The following PAK5 variants were observed in gnomAD, a reference collection of about 807,000 sequenced individuals.
The protein encoded by PAK5 is p21 (RAC1) activated kinase 5.
PAK5 carries 16 observed loss-of-function variants against 65.9 expected under a neutral mutation model. The observed-to-expected ratio is 0.24, with a 90% CI of 0.16 to 0.37. The LOEUF (loss-of-function observed/expected upper bound fraction) is 0.37, where lower values mean the gene tolerates loss of function less well. Among genes scored for constraint, PAK5 ranks in the 10% least tolerant of loss-of-function variants. The pLI is 1.00. For missense variants in PAK5, 785 were observed against 903.9 expected (o/e 0.87, Z 1.69); for synonymous variants, 371 against 354.9 (o/e 1.05, Z -0.51).
chr20:9,790,977 G>A (rs767660775), intron 1 of PAK5, among the ~76,000 whole-genome samples: 8 of 152,008 alleles, frequency 5.3e-5, no homozygotes, highest in Non-Finnish European at 7.4e-5. Context: ...TACATTCCTT[G>A]GCTTCCATGA....
chr20:9,744,569 T>G (rs562751057), intron 1 of PAK5, among the ~76,000 whole-genome samples: 1 of 152,274 alleles, frequency 6.6e-6, no homozygotes, highest in South Asian at 2.1e-4. Context: ...ACATCAGCAA[T>G]TATTGACTAA....
At position 9,566,313 on chromosome 20, in the gene PAK5, A is replaced by C. The variant is rs1186795562; in HGVS notation, c.1062T>G (p.Pro354=). 1 of 1,613,724 alleles carries C rather than the reference A, an allele frequency of 6.2e-7. No homozygotes were observed. Among genetic ancestry groups the C allele is most frequent in the South Asian group, 1.1e-5 (1 of 91,070 alleles). ...LSGSDTYPRG[P]AKLPQSQSKS... ...TGCTTTGACTTTGAGGTAGTTTGGC[A>C]GGGCCCCTGGGGTAGGTGTCAGACC... The change falls in exon 5 of 10, where the codon CCT becomes CCG. Residue 354 remains proline, a synonymous_variant. Coordinates refer to ENST00000353224, the MANE Select transcript of PAK5 (RefSeq NM_177990.4).
chr20:9,597,918 C>T (rs2046298974), intron 3 of PAK5, among the ~76,000 whole-genome samples: 1 of 152,182 alleles, frequency 6.6e-6, no homozygotes, highest in South Asian at 2.1e-4. Flanking sequence ...GGCCAAACTG[C>T]CAACTTGCTG....
chr20:9,813,140 T>C (rs2049317335), intron 1 of PAK5, among the ~76,000 whole-genome samples: 1 of 152,152 alleles, frequency 6.6e-6, no homozygotes, highest in Non-Finnish European at 1.5e-5. Context: ...GAGTACCTTA[T>C]GTATGATTTC....
At chr20:9,676,997 AAT>A (rs1000292250) in intron 2 of PAK5, among the ~76,000 whole-genome samples, 2 of 151,922 alleles carry the variant, frequency 1.3e-5, no homozygotes, top group Non-Finnish European at 2.9e-5. Flanking sequence ...GAGGAAAATA[AAT>A]ATGTTTTCCT....
At chr20:9,651,189 C>T (rs191144256) in intron 2 of PAK5, among the ~76,000 whole-genome samples, 16 of 152,244 alleles carry the variant, frequency 1.1e-4, no homozygotes. Flanking sequence ...CTCCTTTTGC[C>T]TCAGTATCCT....
intron 7 of PAK5, among the ~76,000 whole-genome samples, chr20:9,550,140 G>A (rs999212844): frequency 1.3e-5 from 2 of 152,170 alleles, no homozygotes; most frequent in African/African-American, 4.8e-5. Flanking sequence ...GTCTTCCATG[G>A]CCTGTGTGGG....
At chr20:9,590,334 T>A (rs574910545) in intron 3 of PAK5, among the ~76,000 whole-genome samples, 6 of 152,272 alleles carry the variant, frequency 3.9e-5, no homozygotes, top group Middle Eastern at 3.4e-3. Flanking sequence ...ATTTTACTTG[T>A]ATTGAGCAGA....
intron 1 of PAK5, among the ~76,000 whole-genome samples, chr20:9,750,687 A>C (rs2048565679): frequency 6.6e-6 from 1 of 152,086 alleles, no homozygotes; most frequent in Non-Finnish European, 1.5e-5. Flanking sequence ...GAAGGACCAA[A>C]AGAAGCTACA....
At chr20:9,821,179 G>A (rs2049416246) in intron 1 of PAK5, among the ~76,000 whole-genome samples, 1 of 152,026 alleles carries the variant, frequency 6.6e-6, no homozygotes, top group Non-Finnish European at 1.5e-5. Flanking sequence ...TCAGGAGTTC[G>A]AGACCAGCCT....
chr20:9,761,807 C>G (rs1034840878), intron 1 of PAK5, among the ~76,000 whole-genome samples: 3 of 148,766 alleles, frequency 2.0e-5, no homozygotes, highest in South Asian at 4.3e-4. Context: ...TAAATACACA[C>G]AAGAATTTTT....
intron 3 of PAK5, among the ~76,000 whole-genome samples, chr20:9,627,678 G>A (rs2046864668): frequency 2.0e-5 from 3 of 151,876 alleles, no homozygotes; most frequent in Non-Finnish European, 4.4e-5. Flanking sequence ...TCAGGCTGGA[G>A]TGCAGTGGCA....
At chr20:9,743,515 TC>T (rs374488239) in intron 1 of PAK5, among the ~76,000 whole-genome samples, 14 of 152,170 alleles carry the variant, frequency 9.2e-5, no homozygotes, top group African/African-American at 3.4e-4. Flanking sequence ...GTAATGCCTG[TC>T]AGTGACTCCT....
At chr20:9,567,742 C>T (rs1473585775) in intron 4 of PAK5, among the ~76,000 whole-genome samples, 19 of 151,974 alleles carry the variant, frequency 1.3e-4, no homozygotes, top group Admixed American at 1.2e-3. Flanking sequence ...GGTTTATGCT[C>T]CAGAGAAGGA....
chr20:9,683,930 A>G (rs1055354126), intron 2 of PAK5, among the ~76,000 whole-genome samples: 3 of 152,164 alleles, frequency 2.0e-5, no homozygotes, highest in African/African-American at 7.2e-5. Context: ...AATGGTCCAG[A>G]AAATTCCCCT....
intron 1 of PAK5, among the ~76,000 whole-genome samples, chr20:9,784,915 G>A (rs2048977081): frequency 1.3e-5 from 2 of 152,094 alleles, no homozygotes; most frequent in African/African-American, 4.8e-5. Flanking sequence ...TGGATAAAGT[G>A]TGTATCAAAT....
At chr20:9,753,362 T>C (rs1266157447) in intron 1 of PAK5, among the ~76,000 whole-genome samples, 2 of 152,198 alleles carry the variant, frequency 1.3e-5, no homozygotes, top group African/African-American at 2.4e-5. Context: ...AAAAAGGCCA[T>C]GCTACTCGAG....
chr20:9,704,898 C>A (rs115111108), intron 2 of PAK5, among the ~76,000 whole-genome samples: 260 of 152,210 alleles, frequency 1.7e-3, no homozygotes, highest in Non-Finnish European at 2.1e-3. Flanking sequence ...AGAGAGAGAT[C>A]GTCAGAGAGA....
At chr20:9,738,200 T>C (rs2048412065) in intron 1 of PAK5, among the ~76,000 whole-genome samples, 1 of 152,038 alleles carries the variant, frequency 6.6e-6, no homozygotes, top group East Asian at 1.9e-4. Flanking sequence ...ACTGGAACTC[T>C]TACACATTCT....
Sources: gnomAD v4.1 joint callset for allele counts (sites outside exome capture counted in the v4.1 genomes callset) on GRCh38, gnomAD v4.1.1 for gene constraint, MANE v1.5 for transcripts, NCBI Gene and HGNC (gene_info 2026-07-23, HGNC 2026-07-21) for gene names.